The following MED12L variants were observed in gnomAD, a reference collection of about 807,000 sequenced individuals.
The protein encoded by MED12L is mediator complex subunit 12L, also known as mediator of RNA polymerase II transcription subunit 12-like protein.
A neutral mutation model predicts 281.3 loss-of-function variants in MED12L; 60 were observed. That is an observed-to-expected ratio of 0.21 (90% CI 0.17 to 0.26). MED12L has a LOEUF of 0.26. MED12L is among the 10% of genes least tolerant of loss of function. The probability of loss-of-function intolerance (pLI) is 1.00; values close to 1 mark genes in which losing one functional copy is unlikely to be tolerated. For synonymous variants in MED12L, 974 were observed against 987.2 expected (o/e 0.99, Z 0.25); for missense variants, 2,146 against 2,680.9 (o/e 0.80, Z 4.41).
chr3:151,248,407 G>A (rs1736176495), intron 16 of MED12L, among the ~76,000 whole-genome samples: 1 of 152,006 alleles, frequency 6.6e-6, no homozygotes, highest in African/African-American at 2.4e-5. Flanking sequence ...TAGAGTTTTA[G>A]CATTTTGTGC....
rs1190532759 is a variant in MED12L at position 151,195,071 on chromosome 3, G to A, written c.2250+1405G>A. 5.9e-5 allele frequency among the ~76,000 whole-genome samples: 9 copies of A among 152,148 alleles called. No homozygotes were observed. The East Asian group carries it at 1.3e-3, about 23-fold the overall frequency. On this transcript the variant is annotated intron_variant, in intron 16 of 44. Coordinates refer to ENST00000687756, the MANE Select transcript of MED12L (RefSeq NM_001393769.1). Reference sequence around the variant, plus strand: ...GCAGCTTCTCAGGAGGCTGAGGCAGGAGAATGGCGTGAACCCCAGAGGTGG... The same window carrying A: ...GCAGCTTCTCAGGAGGCTGAGGCAGAAGAATGGCGTGAACCCCAGAGGTGG...
At chr3:151,090,120 A>G (rs1305101965) in intron 2 of MED12L, among the ~76,000 whole-genome samples, 2 of 151,960 alleles carry the variant, frequency 1.3e-5, no homozygotes, top group Non-Finnish European at 2.9e-5. Context: ...TTCTCACCTT[A>G]GCCTGTGGTT....
At position 151,435,830 on chromosome 3, in the gene MED12L, T is replaced by G. The variant is rs200230903; in HGVS notation, c.*3026T>G. 6.8e-6 allele frequency: 1 copy of G among 146,178 alleles called. No homozygotes were observed. The highest frequency in any genetic ancestry group is 1.5e-5 in the Non-Finnish European group (1 of 67,222). 9.1% of individuals were successfully genotyped at this position (146,178 alleles called of 1,614,324 possible). A position where few individuals can be genotyped will look rare whatever the true frequency, so the allele number is the denominator to read the frequency against. On this transcript the variant is annotated 3_prime_UTR_variant, in exon 45 of 45. Coordinates refer to ENST00000687756, the MANE Select transcript of MED12L (RefSeq NM_001393769.1). Reference sequence around the variant, plus strand: ...TTAAATACAGTGAAACTTCATTATATATAATAGACCTAGACCCTCCCAAGC... The same window carrying G: ...TTAAATACAGTGAAACTTCATTATAGATAATAGACCTAGACCCTCCCAAGC...
At chr3:151,267,634 G>C (rs1198688515) in intron 16 of MED12L, among the ~76,000 whole-genome samples, 1 of 152,044 alleles carries the variant, frequency 6.6e-6, no homozygotes, top group Non-Finnish European at 1.5e-5. Context: ...AGTGTTTCAG[G>C]CTATAGAAAA....
At chr3:151,177,442 G>C (rs1198034054) in intron 11 of MED12L, among the ~76,000 whole-genome samples, 1 of 152,142 alleles carries the variant, frequency 6.6e-6, no homozygotes, top group Admixed American at 6.5e-5. Flanking sequence ...TTTGAAATGG[G>C]AATAGCAATA....
chr3:151,420,949 A>G (rs959629290), intron 43 of MED12L, among the ~76,000 whole-genome samples: 1 of 152,240 alleles, frequency 6.6e-6, no homozygotes, highest in African/African-American at 2.4e-5. Context: ...TGGTGGAAGA[A>G]GTCCAATATA....
At chr3:151,220,806 C>T (rs996462912) in intron 16 of MED12L, among the ~76,000 whole-genome samples, 13 of 152,130 alleles carry the variant, frequency 8.5e-5, no homozygotes, top group African/African-American at 2.7e-4. Context: ...AGTGTGAAAA[C>T]GGACTAATAC....
At chr3:151,407,169 A>G (rs1716414383) in intron 39 of MED12L, among the ~76,000 whole-genome samples, 1 of 152,228 alleles carries the variant, frequency 6.6e-6, no homozygotes, top group Non-Finnish European at 1.5e-5. Context: ...CCAATAGCTC[A>G]GATATATACC....
chr3:151,368,220 T>A lies in MED12L; in HGVS notation c.3519T>A (p.Ala1173=), dbSNP rs1393159611. 3 of 1,614,034 alleles carry A rather than the reference T, an allele frequency of 1.9e-6. No individual in the cohort carries two copies. In the South Asian group the frequency reaches 3.3e-5, roughly 18 times the overall value. ...GACTCTTGCTTCATCTCTTCCGAGC[T>A]CCCCAGGCCTGCTTCTTACCTCAAG... is the stretch of plus-strand genomic sequence containing the variant. The part of the protein sequence containing the change: ...TCRLLLHLFR[A]PQACFLPQAT... The change falls in exon 25 of 45, where the codon GCT becomes GCA. Residue 1173 remains alanine (A), a synonymous_variant. Coordinates refer to ENST00000687756, the MANE Select transcript of MED12L (RefSeq NM_001393769.1).
At chr3:151,167,236 A>C (rs559130359) in intron 11 of MED12L, among the ~76,000 whole-genome samples, 1 of 152,340 alleles carries the variant, frequency 6.6e-6, no homozygotes, top group African/African-American at 2.4e-5. Flanking sequence ...ATTGCCCCAA[A>C]ACTAGGATAT....
chr3:151,149,792 G>A (rs931271161), intron 5 of MED12L, among the ~76,000 whole-genome samples: 2 of 152,198 alleles, frequency 1.3e-5, no homozygotes, highest in Non-Finnish European at 2.9e-5. Flanking sequence ...TTTCAGCAGT[G>A]TTCACAACAT....
At chr3:151,283,681 T>C (rs758565435) in intron 16 of MED12L, among the ~76,000 whole-genome samples, 2 of 152,242 alleles carry the variant, frequency 1.3e-5, no homozygotes, top group African/African-American at 2.4e-5. Context: ...TACTCAGAAG[T>C]ATTTGTTAAT....
intron 16 of MED12L, among the ~76,000 whole-genome samples, chr3:151,266,563 A>G (rs752491051): frequency 6.6e-6 from 1 of 152,212 alleles, no homozygotes; most frequent in East Asian, 1.9e-4. Flanking sequence ...AGCGTTAGCT[A>G]TAAGAGATGG....
At chr3:151,093,664 C>A (rs1181093602) in intron 2 of MED12L, among the ~76,000 whole-genome samples, 1 of 152,228 alleles carries the variant, frequency 6.6e-6, no homozygotes, top group Admixed American at 6.5e-5. Flanking sequence ...TTGCTGTACA[C>A]AGTTTATAGC....
chr3:151,296,149 A>T (rs1745057938), intron 16 of MED12L, among the ~76,000 whole-genome samples: 1 of 152,000 alleles, frequency 6.6e-6, no homozygotes, highest in African/African-American at 2.4e-5. Context: ...AACCTGGTAT[A>T]TTTTTTTTGT....
At chr3:151,290,950 A>G (rs1205535720) in intron 16 of MED12L, among the ~76,000 whole-genome samples, 2 of 152,142 alleles carry the variant, frequency 1.3e-5, no homozygotes, top group Non-Finnish European at 2.9e-5. Flanking sequence ...AAAATCGAAA[A>G]TGTTTGTTCT....
intron 39 of MED12L, among the ~76,000 whole-genome samples, chr3:151,396,357 G>T (rs1051019849): frequency 2.0e-5 from 3 of 152,208 alleles, no homozygotes; most frequent in Non-Finnish European, 4.4e-5. Context: ...GCCAGGCGTG[G>T]TGGCTTACGC....
At chr3:151,214,440 C>A in intron 16 of MED12L, 1 of 771,960 alleles carries the variant, frequency 1.3e-6, no homozygotes. Flanking sequence ...TCAAACCTAC[C>A]AAATTTTTGA....
intron 2 of MED12L, among the ~76,000 whole-genome samples, chr3:151,092,414 C>G (rs1468669715): frequency 6.6e-6 from 1 of 152,216 alleles, no homozygotes; most frequent in Non-Finnish European, 1.5e-5. Flanking sequence ...GTGTTCACAT[C>G]TGTGAACGGC....
Sources: gnomAD v4.1 joint callset for allele counts (sites outside exome capture counted in the v4.1 genomes callset) on GRCh38, gnomAD v4.1.1 for gene constraint, MANE v1.5 for transcripts, NCBI Gene and HGNC (gene_info 2026-07-23, HGNC 2026-07-21) for gene names.